SH2D7: variants seen among roughly 807,000 people sequenced by gnomAD.
SH2D7 encodes SH2 domain-containing protein 7.
SH2D7 carries 32 observed loss-of-function variants against 40.8 expected under a neutral mutation model. The ratio of observed to expected loss-of-function variants is 0.78; its 90% confidence interval spans 0.59 to 1.05. The LOEUF is 1.05. SH2D7 is among the 50% of genes least tolerant of loss of function. The probability of loss-of-function intolerance (pLI) is 0.00; values close to 1 mark genes in which losing one functional copy is unlikely to be tolerated. For synonymous variants in SH2D7, 195 were observed against 221.5 expected (o/e 0.88, Z 1.06); for missense variants, 559 against 566.6 (o/e 0.99, Z 0.14).
In SH2D7 at chr15:78,099,402, T is replaced by G. The variant is rs775722875; in HGVS notation, c.645+806T>G. On this transcript the variant is annotated intron_variant, in intron 4 of 5. Coordinates refer to ENST00000328828, the MANE Select transcript of SH2D7 (RefSeq NM_001101404.2). ...ATCTCGGCTCACTGCAATCTCTGCATCCTGGATCCAAGTGATTTCCCCTGC... is the reference window on the plus strand; with the variant it reads ...ATCTCGGCTCACTGCAATCTCTGCAGCCTGGATCCAAGTGATTTCCCCTGC... Among the ~76,000 whole-genome samples, 50 of 152,080 alleles carry G rather than the reference T, an allele frequency of 3.3e-4. 1 individual carries two copies. Among genetic ancestry groups the G allele is most frequent in the Admixed American group, 1.6e-3 (25 of 15,274 alleles).
intron 2 of SH2D7, among the ~76,000 whole-genome samples, chr15:78,096,653 A>G (rs1330166762): frequency 7.1e-6 from 1 of 140,290 alleles, no homozygotes; most frequent in African/African-American, 2.7e-5. Flanking sequence ...CCACCACGAC[A>G]CCGGCTATTT....
Position 78,101,106 on chromosome 15 carries a change from T to G in SH2D7, c.853T>G (p.Ser285Ala), listed in dbSNP as rs1377778763. Residue 285 changes from serine (S) to alanine (A), a missense_variant, in exon 5 of 6, where the codon TCA (serine) becomes GCA (alanine). Transcript: ENST00000328828. ...SPGREAQRRL[S>A]DGEQNRPDGL... is the part of the protein sequence containing the mutation. ...AGGCAGGGAGGCCCAAAGGAGACTC[T>G]CAGATGGAGAACAGAACAGGCCTGA... is the stretch of plus-strand genomic sequence containing the variant. 6.4e-7 allele frequency: 1 copy of G among 1,574,656 alleles called. No homozygotes were observed. Among genetic ancestry groups the G allele is most frequent in the Admixed American group, 1.9e-5 (1 of 52,744 alleles).
Position 78,101,261 on chromosome 15 carries a change from C to G in SH2D7, c.1008C>G (p.Ser336Arg), listed in dbSNP as rs760265326. ...GGAGGCAGGAGTTTCCAAAGCTGAGCCAAGAGGCTCAGCCCTGCTCCCAGG... is the reference window on the plus strand; with the variant it reads ...GGAGGCAGGAGTTTCCAAAGCTGAGGCAAGAGGCTCAGCCCTGCTCCCAGG... ...ATWRQEFPKL[S>R]QEAQPCSQGS... The change falls in exon 5 of 6, where the codon AGC becomes AGG. Residue 336 changes from serine to arginine, a missense_variant. Ser to Arg is a moderately radical substitution (Grantham distance 110, BLOSUM62 -1). Transcript: ENST00000328828. The G allele has an allele frequency of 3.7e-5, 59 of 1,609,076 alleles. No individual in the cohort carries two copies. The highest frequency in any genetic ancestry group is 3.4e-5 in the Admixed American group (2 of 58,720).
At position 78,094,138 on chromosome 15, in the gene SH2D7, A is replaced by G. The variant is rs2073955856; in HGVS notation, c.203A>G (p.Lys68Arg). The G allele has an allele frequency of 1.9e-6, 3 of 1,609,416 alleles. No individual in the cohort carries two copies. The South Asian group carries it at 3.3e-5, about 18-fold the overall frequency. The change falls in exon 2 of 6, where the codon AAA (lysine) becomes AGA (arginine). Residue 68 changes from lysine (K) to arginine (R), a missense_variant. Lys to Arg is a conservative substitution (Grantham distance 26, BLOSUM62 2). Coordinates refer to ENST00000328828, the MANE Select transcript of SH2D7 (RefSeq NM_001101404.2). ...RKQTEQLLRD[K>R]ALGSFLIRLS... is the part of the protein sequence containing the mutation. ...CAGACGGAGCAGCTACTCAGGGACA[A>G]AGCTCTTGGTTCCTTCCTTATCCGC...
chr15:78,092,453 G>T, upstream of SH2D7: 1 of 1,008,036 alleles, frequency 9.9e-7, no homozygotes, highest in Non-Finnish European at 1.4e-6. Flanking sequence ...CCAGCCCAGA[G>T]GTGACAATGG....
rs76658295 is a variant in SH2D7 at position 78,098,989 on chromosome 15, A to G, written c.645+393A>G. Reference sequence around the variant, plus strand: ...TCAATATTTTATTCTTCTCCATAGCACCCCATGGACTCAGAAAGATTTTTC... The same window carrying G: ...TCAATATTTTATTCTTCTCCATAGCGCCCCATGGACTCAGAAAGATTTTTC... On this transcript the variant is annotated intron_variant, in intron 4 of 5. Transcript: ENST00000328828. 3.9e-4 allele frequency among the ~76,000 whole-genome samples: 59 copies of G among 150,030 alleles called. No homozygotes were observed. In the East Asian group the frequency reaches 0.011, roughly 29 times the overall value.
rs1050606987 is a variant in SH2D7, at chr15:78,096,123, G to A, written c.267-1806G>A. ...CTCCCAAAGTGCTGGGATTACAGGC[G>A]TGAGCCACTGCACCTAGCCAAAATT... On this transcript the variant is annotated intron_variant, in intron 2 of 5. Coordinates refer to ENST00000328828, the MANE Select transcript of SH2D7 (RefSeq NM_001101404.2). Among the ~76,000 whole-genome samples, 11 of 152,088 alleles carry A rather than the reference G, an allele frequency of 7.2e-5. No individual in the cohort carries two copies. The East Asian group carries it at 2.1e-3, about 29-fold the overall frequency.
At chr15:78,095,683 C>A (rs1267707267) in intron 2 of SH2D7, among the ~76,000 whole-genome samples, 2 of 152,020 alleles carry the variant, frequency 1.3e-5, no homozygotes, top group African/African-American at 2.4e-5. Flanking sequence ...AAAACAATAC[C>A]ATTTCTAGAA....
Position 78,101,487 on chromosome 15 carries a change from C to G in SH2D7, c.1234C>G (p.Leu412Val). ...CAAGAGGATCTCAGGGACCCCAGAGCTCTCAGAGCCTGGGAACACCTATGA... is the reference window on the plus strand; with the variant it reads ...CAAGAGGATCTCAGGGACCCCAGAGGTCTCAGAGCCTGGGAACACCTATGA... ...GYKRISGTPE[L>V]SEPGNTYEQI... The change falls in exon 5 of 6, where the codon CTC becomes GTC. Residue 412 changes from leucine to valine, a missense_variant. Transcript: ENST00000328828. The G allele has an allele frequency of 1.9e-6, 3 of 1,613,474 alleles. No homozygotes were observed. The highest frequency in any genetic ancestry group is 2.5e-6 in the Non-Finnish European group (3 of 1,179,650).
chr15:78,095,827 T>C (rs2073968010), intron 2 of SH2D7, among the ~76,000 whole-genome samples: 1 of 152,080 alleles, frequency 6.6e-6, no homozygotes, highest in South Asian at 2.1e-4. Context: ...TTAAGAATTT[T>C]TTAAAATTTA....
At chr15:78,093,200 T>TG (rs1328403188) in intron 1 of SH2D7, among the ~76,000 whole-genome samples, 1 of 152,216 alleles carries the variant, frequency 6.6e-6, no homozygotes, top group Non-Finnish European at 1.5e-5. Flanking sequence ...GCTTTCTATT[T>TG]GGGCTGGGTC....
intron 2 of SH2D7, 57 bp from the exon 3 acceptor site, chr15:78,097,872 G>A: frequency 6.3e-7 from 1 of 1,587,940 alleles, no homozygotes; most frequent in Non-Finnish European, 8.6e-7. Flanking sequence ...CAGACCCTGG[G>A]CCAAGGCTGG....
rs1434681163 is a variant in SH2D7, at chr15:78,101,580, G to A, written c.1305+22G>A. ...CAAGGTGAGCTCCATGATGGGGTGG[G>A]GCGGCTCCCAGCCCTTAGAGAGCAC... On this transcript the variant is annotated intron_variant, in intron 5 of 5. Coordinates refer to ENST00000328828, the MANE Select transcript of SH2D7 (RefSeq NM_001101404.2). 5.8e-6 allele frequency: 9 copies of A among 1,546,130 alleles called. No individual in the cohort carries two copies. The Admixed American group carries it at 6.1e-5, about 10-fold the overall frequency.
rs1380346486 is a variant in SH2D7 at position 78,098,397 on chromosome 15, A to G, written c.446A>G (p.Asp149Gly). Reference sequence around the variant, plus strand: ...GCATGCTCCCAGCCAGAGGACAATGATCTGTATGATGCCATCACCCGGGGC... The same window carrying G: ...GCATGCTCCCAGCCAGAGGACAATGGTCTGTATGATGCCATCACCCGGGGC... ...TAACPRPEDNDLYDAITRGLH... is the reference protein window; with the variant it reads ...TAACPRPEDNGLYDAITRGLH... Residue 149 changes from aspartate to glycine, a missense_variant, in exon 4 of 6, where the codon GAT (aspartate) becomes GGT (glycine). Coordinates refer to ENST00000328828, the MANE Select transcript of SH2D7 (RefSeq NM_001101404.2). 2.5e-6 allele frequency: 4 copies of G among 1,613,414 alleles called. No homozygotes were observed. The Admixed American group carries it at 5.0e-5, about 20-fold the overall frequency.
chr15:78,093,298 G>A (rs1020766060), intron 1 of SH2D7, among the ~76,000 whole-genome samples: 4 of 152,248 alleles, frequency 2.6e-5, no homozygotes, highest in Admixed American at 2.6e-4. Flanking sequence ...GCCAGGGCCA[G>A]CTTTATGGTC....
At chr15:78,091,677 A>T (rs780564371), upstream of SH2D7, among the ~76,000 whole-genome samples, 12 of 152,150 alleles carry the variant, frequency 7.9e-5, no homozygotes, top group Non-Finnish European at 1.6e-4. Context: ...AAAGCTTCCT[A>T]CCACAGGCCT....
In SH2D7 at chr15:78,100,899, G is replaced by C. The variant is rs751171787; in HGVS notation, c.646G>C (p.Ala216Pro). 42 of 1,612,500 alleles carry C rather than the reference G, an allele frequency of 2.6e-5. No homozygotes were observed. In the Admixed American group the frequency reaches 2.8e-4, roughly 11 times the overall value. The change falls in exon 5 of 6, where the codon GCT becomes CCT. Residue 216 changes from alanine to proline, a missense_variant and splice_region_variant. By Grantham distance (27) the Ala-to-Pro change is conservative (BLOSUM62 -1). Transcript: ENST00000328828. ...AGTTTCTCTGTCCCTGTCTCCCCAG[G>C]CTCCCATCAGAGTGTCTCCACTCCC... is the stretch of plus-strand genomic sequence containing the variant. ...RNLSQEESME[A>P]PIRVSPLPEK... is the part of the protein sequence containing the mutation.
intron 2 of SH2D7, among the ~76,000 whole-genome samples, chr15:78,095,317 T>A (rs1323210896): frequency 6.6e-6 from 1 of 152,242 alleles, no homozygotes; most frequent in Non-Finnish European, 1.5e-5. Flanking sequence ...ATATACTAAC[T>A]CAGTAGTTTT....
upstream of SH2D7, among the ~76,000 whole-genome samples, chr15:78,091,774 C>T (rs2073942180): frequency 6.6e-6 from 1 of 152,178 alleles, no homozygotes; most frequent in Non-Finnish European, 1.5e-5. Context: ...TCAAAATCTG[C>T]AACAAAGTCC....
Sources: allele counts gnomAD v4.1 joint callset (sites outside exome capture counted in the v4.1 genomes callset), GRCh38; gene constraint gnomAD v4.1.1; transcripts MANE v1.5; gene names NCBI Gene and HGNC (gene_info 2026-07-23, HGNC 2026-07-21).